The following PI3 variants were observed in gnomAD, a reference collection of about 807,000 sequenced individuals.
PI3 encodes the protein elafin.
In PI3, 4 loss-of-function variants were observed where a neutral mutation model predicts 6.0. The observed-to-expected ratio is 0.67, with a 90% CI of 0.33 to 1.54. PI3 has a LOEUF of 1.54. Among genes scored for constraint, PI3 ranks in the 40% most tolerant of loss-of-function variants. PI3 has a pLI of 0.06. For synonymous variants in PI3, 58 were observed against 56.9 expected, an observed-to-expected ratio of 1.02 and a Z score of -0.09; for missense variants, 149 against 147.6, an observed-to-expected ratio of 1.01 and a Z score of -0.05.
chr20:45,176,081 A>C lies in PI3; in HGVS notation c.300A>C (p.Gly100=), dbSNP rs41282756. 8.8e-4 allele frequency: 1,422 copies of C among 1,614,178 alleles called. 16 individuals are homozygous for C. In the African/African-American group the frequency reaches 0.017, roughly 19 times the overall value. ...NRCLKDTDCP[G]IKKCCEGSCG... ...GCTTGAAAGATACTGACTGCCCAGG[A>C]ATCAAGAAGTGCTGTGAAGGCTCTT... Residue 100 remains glycine (G), a synonymous_variant, in exon 2 of 3, where the codon GGA becomes GGC. Coordinates refer to ENST00000243924, the MANE Select transcript of PI3 (RefSeq NM_002638.4).
intron 1 of PI3, among the ~76,000 whole-genome samples, chr20:45,175,625 G>C (rs959967549): frequency 2.0e-5 from 3 of 152,146 alleles, no homozygotes; most frequent in Admixed American, 1.3e-4. Flanking sequence ...TGAGAGACTT[G>C]GAGTGGAGGA....
chr20:45,175,518 T>C (rs1272858882), intron 1 of PI3, among the ~76,000 whole-genome samples: 1 of 152,204 alleles, frequency 6.6e-6, no homozygotes, highest in Admixed American at 6.5e-5. Context: ...TCTCCTAGTA[T>C]GTGGCTCAGG....
intron 1 of PI3, 38 bp from the exon 2 acceptor site, chr20:45,175,823 A>G: frequency 6.2e-7 from 1 of 1,606,236 alleles, no homozygotes; most frequent in Non-Finnish European, 8.5e-7. Context: ...GCAGAGGCTT[A>G]CTGGGTATAA....
chr20:45,174,926 AG>A lies in PI3; in HGVS notation c.7del (p.Ala3ProfsTer5), dbSNP rs780208198. 6.2e-7 allele frequency: 1 copy of A among 1,611,882 alleles called. No homozygotes were observed. Among genetic ancestry groups the A allele is most frequent in the South Asian group, 1.1e-5 (1 of 90,914 alleles). On this transcript the variant is annotated frameshift_variant, in exon 1 of 3. Transcript: ENST00000243924. LOFTEE classifies it high-confidence loss of function. ...AGCCAAACACCTTCCTGACACCATG[AG>A]GGCCAGCAGCTTCTTGATCGTGGTG... Reference protein sequence around the residue: MRASSFLIVVVF... With the variant: MXASSFLIVVVF...
intron 2 of PI3, 116 bp downstream of exon 2, chr20:45,176,252 A>G: frequency 1.0e-6 from 1 of 978,470 alleles, no homozygotes. Flanking sequence ...AAAGACTGGG[A>G]GACTGAGGGG....
At chr20:45,176,157 G>A (rs372363092) in intron 2 of PI3, 21 bp downstream of exon 2, 17 of 1,612,482 alleles carry the variant, frequency 1.1e-5, no homozygotes, top group African/African-American at 1.3e-5. Context: ...GCTGGAGAAC[G>A]AGGAGACCCC....
At chr20:45,175,264 T>C (rs1189863093) in intron 1 of PI3, among the ~76,000 whole-genome samples, 1 of 152,206 alleles carries the variant, frequency 6.6e-6, no homozygotes. Context: ...TGTCAATACC[T>C]GTGCAGAATG....
At position 45,176,467 on chromosome 20, in the gene PI3, T is replaced by C; in HGVS notation, c.*99T>C. ...CCCTTCCCCTTCCCACACTGTCCAT[T>C]CTTCCTCCCATTCAGGATGCCCACG... On this transcript the variant is annotated 3_prime_UTR_variant, in exon 3 of 3. Coordinates refer to ENST00000243924, the MANE Select transcript of PI3 (RefSeq NM_002638.4). 3.3e-6 allele frequency: 1 copy of C among 304,360 alleles called. No homozygotes were observed. The highest frequency in any genetic ancestry group is 6.2e-6 in the Non-Finnish European group (1 of 161,444). The allele number at this position is 304,360 out of a possible 1,614,324, so 18.9% of individuals were successfully genotyped here.
In PI3 at chr20:45,175,814, C is replaced by A. The variant is rs201836526; in HGVS notation, c.80-47C>A. ...CAGAGGAAAGACATGGCAGCTGAAG[C>A]AGAGGCTTACTGGGTATAAATGTGG... On this transcript the variant is annotated intron_variant, in intron 1 of 2. Coordinates refer to ENST00000243924, the MANE Select transcript of PI3 (RefSeq NM_002638.4). 69 of 1,592,948 alleles carry A rather than the reference C, an allele frequency of 4.3e-5. No homozygotes were observed. The East Asian group carries it at 1.4e-3, about 33-fold the overall frequency.
At chr20:45,175,388 A>G (rs947213568) in intron 1 of PI3, among the ~76,000 whole-genome samples, 1 of 152,214 alleles carries the variant, frequency 6.6e-6, no homozygotes, top group African/African-American at 2.4e-5. Context: ...AGGTTAAGAA[A>G]CAACAAGCCT....
Position 45,176,246 on chromosome 20 carries a change from A to T in PI3, c.*1+110A>T, listed in dbSNP as rs545893305. The T allele has an allele frequency of 9.6e-6, 10 of 1,038,592 alleles. No individual in the cohort carries two copies. In the South Asian group the frequency reaches 1.2e-4, roughly 12 times the overall value. 64.3% of individuals were successfully genotyped at this position (1,038,592 alleles called of 1,614,324 possible). A position where few individuals can be genotyped will look rare whatever the true frequency, so the allele number is the denominator to read the frequency against. On this transcript the variant is annotated intron_variant, in intron 2 of 2. Coordinates refer to ENST00000243924, the MANE Select transcript of PI3 (RefSeq NM_002638.4). ...GGAGGTTGTGGGAGGTGACAGAAAG[A>T]CTGGGAGACTGAGGGGTCTGAGAGG... is the stretch of plus-strand genomic sequence containing the variant.
intron 1 of PI3, 40 bp downstream of exon 1, chr20:45,175,041 G>T: frequency 6.5e-7 from 1 of 1,537,310 alleles, no homozygotes; most frequent in South Asian, 1.2e-5. Context: ...GTTGGACTAA[G>T]GGGAGACCCT....
At chr20:45,175,157 G>A (rs1345883233) in intron 1 of PI3, among the ~76,000 whole-genome samples, 156 bp downstream of exon 1, 1 of 152,178 alleles carries the variant, frequency 6.6e-6, no homozygotes, top group Non-Finnish European at 1.5e-5. Context: ...GAAAAAATAG[G>A]ACTTTGGCTG....
At position 45,176,002 on chromosome 20, in the gene PI3, G is replaced by A; in HGVS notation, c.221G>A (p.Gly74Asp). 6.2e-7 allele frequency: 1 copy of A among 1,614,154 alleles called. No homozygotes were observed. Among genetic ancestry groups the A allele is most frequent in the Non-Finnish European group, 8.5e-7 (1 of 1,180,014 alleles). ...PVKGPVSTKP[G>D]SCPIILIRCA... ...AAAGGTCCAGTCTCCACTAAGCCTG[G>A]CTCCTGCCCCATTATCTTGATCCGG... Residue 74 changes from glycine (G) to aspartate (D), a missense_variant, in exon 2 of 3, where the codon GGC becomes GAC. Physicochemically the swap from Gly to Asp is moderately conservative, Grantham distance 94. Coordinates refer to ENST00000243924, the MANE Select transcript of PI3 (RefSeq NM_002638.4).
At chr20:45,175,061 C>T in intron 1 of PI3, 60 bp downstream of exon 1, 2 of 1,372,600 alleles carry the variant, frequency 1.5e-6, no homozygotes, top group Non-Finnish European at 2.0e-6. Flanking sequence ...TCTGGGACAC[C>T]CTGGGCCAGG....
In PI3 at chr20:45,175,745, C is replaced by T. The variant is rs1205062559; in HGVS notation, c.80-116C>T. On this transcript the variant is annotated intron_variant, in intron 1 of 2. Transcript: ENST00000243924. ...AGAGGTGTACCTTCCCTACTCAGGCCATGGTTTGAGGATGCTGCAGTAAGC... is the reference window on the plus strand; with the variant it reads ...AGAGGTGTACCTTCCCTACTCAGGCTATGGTTTGAGGATGCTGCAGTAAGC... 4 of 1,077,220 alleles carry T rather than the reference C, an allele frequency of 3.7e-6. No homozygotes were observed. In the East Asian group the frequency reaches 9.4e-5, roughly 25 times the overall value. 66.7% of individuals were successfully genotyped at this position (1,077,220 alleles called of 1,614,324 possible).
At position 45,174,987 on chromosome 20, in the gene PI3, C is replaced by T. The variant is rs1982761396; in HGVS notation, c.65C>T (p.Ala22Val). Residue 22 changes from alanine (A) to valine (V), a missense_variant, in exon 1 of 3, where the codon GCA becomes GTA. Coordinates refer to ENST00000243924, the MANE Select transcript of PI3 (RefSeq NM_002638.4). ...ATCGCTGGGACGCTGGTTCTAGAGG[C>T]AGCTGTCACGGGAGGTGAGTGAACA... Reference protein sequence around the residue: ...FLIAGTLVLEAAVTGVPVKGQ... With the variant: ...FLIAGTLVLEVAVTGVPVKGQ... The T allele has an allele frequency of 6.2e-7, 1 of 1,612,276 alleles. No individual in the cohort carries two copies. Among genetic ancestry groups the T allele is most frequent in the Admixed American group, 1.7e-5 (1 of 59,892 alleles).
At chr20:45,175,092 A>G (rs1982764740) in intron 1 of PI3, 91 bp downstream of exon 1, 2 of 839,992 alleles carry the variant, frequency 2.4e-6, no homozygotes, top group Admixed American at 2.7e-5. Flanking sequence ...CTTCTGAAGC[A>G]GTAGGCAGCA....
chr20:45,175,844 G>A lies in PI3; in HGVS notation c.80-17G>A, dbSNP rs777518325. Reference sequence around the variant, plus strand: ...GCTTACTGGGTATAAATGTGGGCTCGTTTCTTCTTTTAACAGTTCCTGTTA... The same window carrying A: ...GCTTACTGGGTATAAATGTGGGCTCATTTCTTCTTTTAACAGTTCCTGTTA... On this transcript the variant is annotated splice_polypyrimidine_tract_variant and intron_variant, in intron 1 of 2. Transcript: ENST00000243924. 2.5e-5 allele frequency: 40 copies of A among 1,613,100 alleles called. No homozygotes were observed. The highest frequency in any genetic ancestry group is 2.9e-5 in the Non-Finnish European group (34 of 1,179,558).
Sources: gnomAD v4.1 joint callset for allele counts (sites outside exome capture counted in the v4.1 genomes callset) on GRCh38, gnomAD v4.1.1 for gene constraint, MANE v1.5 for transcripts, NCBI Gene and HGNC (gene_info 2026-07-23, HGNC 2026-07-21) for gene names.